MREG: variants seen among roughly 807,000 people sequenced by gnomAD.
The protein encoded by MREG is melanoregulin.
In MREG, 31 loss-of-function variants were observed where a neutral mutation model predicts 28.5. The ratio of observed to expected loss-of-function variants is 1.09; its 90% CI spans 0.82 to 1.47. The LOEUF (loss-of-function observed/expected upper bound fraction) is 1.47, where lower values mean the gene tolerates loss of function less well. MREG is among the 40% of genes most tolerant of loss of function. MREG has a pLI of 0.00. For synonymous variants in MREG, 106 were observed against 95.2 expected (o/e 1.11, Z -0.66); for missense variants, 256 against 257.4 (o/e 0.99, Z 0.04).
intron 2 of MREG, among the ~76,000 whole-genome samples, 171 bp downstream of exon 2, chr2:215,996,135 A>G (rs897785461): frequency 6.6e-6 from 1 of 152,258 alleles, no homozygotes; most frequent in Non-Finnish European, 1.5e-5. Context: ...GTCAATCAAG[A>G]CTAGCTATAA....
chr2:215,987,818 A>T (rs1369208406), intron 2 of MREG, among the ~76,000 whole-genome samples: 2 of 152,092 alleles, frequency 1.3e-5, no homozygotes, highest in Non-Finnish European at 2.9e-5. Context: ...CAGGAGAATC[A>T]CTTGAAACCA....
Position 215,981,707 on chromosome 2 carries a change from T to A in MREG, c.255+14599A>T, listed in dbSNP as rs575010813. On this transcript the variant is annotated intron_variant, in intron 2 of 4. Coordinates refer to ENST00000263268, the MANE Select transcript of MREG (RefSeq NM_018000.3). ...TGATCCTTGTCTAGGGCAGTCCCAG[T>A]TTATATTTTTGGCCTGGAATACTTA... Among the ~76,000 whole-genome samples the A allele has an allele frequency of 1.1e-4, 16 of 152,204 alleles. 1 individual carries two copies. The East Asian group carries it at 3.1e-3, about 29-fold the overall frequency.
chr2:216,002,513 A>G (rs1203929390), intron 1 of MREG, among the ~76,000 whole-genome samples: 1 of 152,230 alleles, frequency 6.6e-6, no homozygotes, highest in Non-Finnish European at 1.5e-5. Context: ...CACTAGCTTA[A>G]GACTGAAACT....
chr2:215,969,878 G>A (rs568544528), intron 2 of MREG, among the ~76,000 whole-genome samples: 55 of 152,248 alleles, frequency 3.6e-4, no homozygotes, highest in Non-Finnish European at 5.9e-4. Context: ...GGGAGTTAGC[G>A]GGTTCAGAGG....
intron 2 of MREG, among the ~76,000 whole-genome samples, chr2:215,989,506 T>A (rs1693667042): frequency 6.6e-6 from 1 of 151,942 alleles, no homozygotes; most frequent in African/African-American, 2.4e-5. Context: ...GGATCACAAC[T>A]CTTTACCAGC....
At chr2:216,003,521 T>C (rs2106025121) in intron 1 of MREG, among the ~76,000 whole-genome samples, 1 of 152,314 alleles carries the variant, frequency 6.6e-6, no homozygotes, top group African/African-American at 2.4e-5. Context: ...TCTAGTGCCA[T>C]GCCTTTAAAC....
chr2:215,961,693 C>T (rs893762676), intron 2 of MREG, among the ~76,000 whole-genome samples: 2 of 152,108 alleles, frequency 1.3e-5, no homozygotes, highest in Non-Finnish European at 2.9e-5. Flanking sequence ...TCCCAAAGTG[C>T]GGGGATTACA....
intron 2 of MREG, among the ~76,000 whole-genome samples, chr2:215,985,762 C>G (rs1693552927): frequency 6.6e-6 from 1 of 152,072 alleles, no homozygotes; most frequent in Admixed American, 6.6e-5. Context: ...ATGGACATTC[C>G]TAGGTCTTTT....
At chr2:216,000,261 C>G (rs751442835) in intron 1 of MREG, among the ~76,000 whole-genome samples, 4 of 151,950 alleles carry the variant, frequency 2.6e-5, no homozygotes, top group East Asian at 3.9e-4. Flanking sequence ...GACAGTCCCC[C>G]CAACATGAGT....
chr2:215,969,572 T>C (rs1693033861), intron 2 of MREG, among the ~76,000 whole-genome samples: 1 of 152,194 alleles, frequency 6.6e-6, no homozygotes. Context: ...TACAGTAGGT[T>C]GCATTACAGA....
At chr2:215,965,368 G>C (rs1352909143) in intron 2 of MREG, among the ~76,000 whole-genome samples, 1 of 152,224 alleles carries the variant, frequency 6.6e-6, no homozygotes, top group Admixed American at 6.5e-5. Context: ...AAGGCAGACA[G>C]GGAGCATGGC....
intron 2 of MREG, among the ~76,000 whole-genome samples, chr2:215,984,330 A>T (rs997075490): frequency 3.3e-5 from 5 of 152,048 alleles, no homozygotes; most frequent in African/African-American, 9.7e-5. Context: ...CAGCCAAACC[A>T]TATCAGTTAG....
chr2:215,959,961 C>CT (rs11403129), intron 2 of MREG, among the ~76,000 whole-genome samples: 72,678 of 148,648 alleles, frequency 0.49, 18,098 homozygotes, highest in East Asian at 0.58. Context: ...ATAGATACTC[C>CT]TTTTTTTTTT....
intron 2 of MREG, among the ~76,000 whole-genome samples, chr2:215,963,210 AGCACTGTGGAAG>A (rs1692839595): frequency 6.6e-6 from 1 of 152,184 alleles, no homozygotes; most frequent in Non-Finnish European, 1.5e-5. Context: ...CTGTAATCCC[AGCACTGTGGAAG>A]GCCGAGGCGG....
At chr2:215,990,401 A>G (rs1358927230) in intron 2 of MREG, among the ~76,000 whole-genome samples, 1 of 152,236 alleles carries the variant, frequency 6.6e-6, no homozygotes, top group Non-Finnish European at 1.5e-5. Context: ...AGGAAGCACT[A>G]AATATGAAAG....
chr2:215,957,791 T>C (rs1220001313), intron 2 of MREG, among the ~76,000 whole-genome samples: 1 of 152,140 alleles, frequency 6.6e-6, no homozygotes, highest in Admixed American at 6.5e-5. Context: ...TGCCCCCTTC[T>C]TCCCCCATGC....
chr2:216,023,649 T>A (rs1694556613), intron 1 of MREG, among the ~76,000 whole-genome samples: 1 of 152,118 alleles, frequency 6.6e-6, no homozygotes, highest in Admixed American at 6.6e-5. Flanking sequence ...CATTAAAACT[T>A]CTTGTTTTTA....
intron 2 of MREG, among the ~76,000 whole-genome samples, chr2:215,982,803 G>A (rs1693466084): frequency 6.6e-6 from 1 of 152,158 alleles, no homozygotes; most frequent in Non-Finnish European, 1.5e-5. Context: ...CCAACACTTT[G>A]TACCAGTGAC....
chr2:215,945,526 C>T, intron 4 of MREG, 45 bp downstream of exon 4: 1 of 1,590,872 alleles, frequency 6.3e-7, no homozygotes, highest in Non-Finnish European at 8.5e-7. Flanking sequence ...AAAAGCCAAG[C>T]AATTAAAGCA....
Sources: gnomAD v4.1 joint callset for allele counts (sites outside exome capture counted in the v4.1 genomes callset) on GRCh38, gnomAD v4.1.1 for gene constraint, MANE v1.5 for transcripts, NCBI Gene and HGNC (gene_info 2026-07-23, HGNC 2026-07-21) for gene names.